FANCG: variants seen among roughly 807,000 people sequenced by gnomAD.
The protein encoded by FANCG is Fanconi anemia group G protein.
A neutral mutation model predicts 73.3 loss-of-function variants in FANCG; 67 were observed. That is an observed-to-expected ratio of 0.91 (90% CI 0.75 to 1.12). The LOEUF (loss-of-function observed/expected upper bound fraction) is 1.12. Among genes scored for constraint, FANCG ranks in the 50% most tolerant of loss-of-function variants. FANCG has a pLI of 0.00. For missense variants in FANCG, 643 were observed against 735.6 expected (o/e 0.87, Z 1.46); for synonymous variants, 297 against 311.6 (o/e 0.95, Z 0.49).
rs898364396 is a variant in FANCG, at chr9:35,074,283, G to T, written c.1761-67C>A. The T allele has an allele frequency of 6.8e-6, 11 of 1,611,924 alleles. No homozygotes were observed. The African/African-American group carries it at 9.3e-5, about 14-fold the overall frequency. ...CAGAAAGCTGGGCAGCCATACCCCC[G>T]CTTTCAGTGTTCACCACCCACAATA... On this transcript the variant is annotated intron_variant, in intron 13 of 13. Coordinates refer to ENST00000378643, the MANE Select transcript of FANCG (RefSeq NM_004629.2).
At chr9:35,078,074 G>T in intron 4 of FANCG, 67 bp downstream of exon 4, 2 of 1,468,244 alleles carry the variant, frequency 1.4e-6, no homozygotes, top group Non-Finnish European at 1.9e-6. Flanking sequence ...TGATGCTACT[G>T]CAGCTGGAGA....
At chr9:35,076,174 T>C (rs1451956875) in intron 8 of FANCG, 146 bp from the exon 9 acceptor site, 3 of 884,454 alleles carry the variant, frequency 3.4e-6, no homozygotes, top group Non-Finnish European at 5.6e-6. Flanking sequence ...GCTCCAATTT[T>C]GGCTCAGTAT....
In FANCG at chr9:35,074,581, AGAGG is replaced by A; in HGVS notation, c.1637-91_1637-88del. On this transcript the variant is annotated intron_variant, in intron 12 of 13. Coordinates refer to ENST00000378643, the MANE Select transcript of FANCG (RefSeq NM_004629.2). ...TAAAAAGGGAAACTGAGGCCTAGAG[AGAGG>A]AAGTATCTTGCCTACACTCACATAT... 1.9e-6 allele frequency: 3 copies of A among 1,561,696 alleles called. No individual in the cohort carries two copies. The South Asian group carries it at 3.4e-5, about 17-fold the overall frequency.
Position 35,079,541 on chromosome 9 carries a change from C to T in FANCG, c.-17G>A, listed in dbSNP as rs776942089. 8 of 1,613,592 alleles carry T rather than the reference C, an allele frequency of 5.0e-6. No homozygotes were observed. In the African/African-American group the frequency reaches 1.1e-4, roughly 22 times the overall value. ...GCGGGACATGGTGGCCGAGGCTGGG[C>T]CCGGAGACCAGAAGCGGACTTAGGA... On this transcript the variant is annotated 5_prime_UTR_variant, in exon 1 of 14. Coordinates refer to ENST00000378643, the MANE Select transcript of FANCG (RefSeq NM_004629.2).
At position 35,079,502 on chromosome 9, in the gene FANCG, A is replaced by C; in HGVS notation, c.23T>G (p.Val8Gly). Residue 8 changes from valine (V) to glycine (G), a missense_variant, in exon 1 of 14, where the codon GTG becomes GGG. Coordinates refer to ENST00000378643, the MANE Select transcript of FANCG (RefSeq NM_004629.2). MSRQTTSVGSSCLDLWRE... is the reference protein window; with the variant it reads MSRQTTSGGSSCLDLWRE... ...CCACAGGTCCAGGCAGCTGGAGCCC[A>C]CAGAGGTGGTCTGGCGGGACATGGT... 1.9e-6 allele frequency: 3 copies of C among 1,614,094 alleles called. No homozygotes were observed. Among genetic ancestry groups the C allele is most frequent in the South Asian group, 2.2e-5 (2 of 91,084 alleles).
chr9:35,076,977 A>T lies in FANCG; in HGVS notation c.771T>A (p.Arg257=). The T allele has an allele frequency of 6.2e-7, 1 of 1,614,174 alleles. No individual in the cohort carries two copies. The highest frequency in any genetic ancestry group is 1.1e-5 in the South Asian group (1 of 91,086). The part of the protein sequence containing the change: ...QVYTALGSCH[R]KMGNPQRALL... ...ACCCTAGGACTGTCTTTACCATCTT[A>T]CGGTGACAGGACCCCAGTGCTGTGT... The change falls in exon 6 of 14, where the codon CGT becomes CGA. Residue 257 remains arginine (R), a synonymous_variant. Coordinates refer to ENST00000378643, the MANE Select transcript of FANCG (RefSeq NM_004629.2).
chr9:35,078,887 C>A, intron 2 of FANCG, 151 bp from the exon 3 acceptor site: 1 of 1,201,042 alleles, frequency 8.3e-7, no homozygotes, highest in Non-Finnish European at 1.2e-6. Context: ...AAAAAAGAAC[C>A]CAACCTTTGG....
rs1213271836 is a variant in FANCG at position 35,078,306 on chromosome 9, T to A, written c.345A>T (p.Glu115Asp). 4 of 1,613,866 alleles carry A rather than the reference T, an allele frequency of 2.5e-6. No homozygotes were observed. In the South Asian group the frequency reaches 4.4e-5, roughly 18 times the overall value. ...ETQEQQGPRL[E>D]QGLRELWDSV... ...AGTCCCACAGCTCCCTGAGCCCCTG[T>A]TCCAACCTGGGCCCCTGCTGCTCCT... The change falls in exon 4 of 14, where the codon GAA (glutamate) becomes GAT (aspartate). Residue 115 changes from glutamate to aspartate, a missense_variant. Transcript: ENST00000378643.
rs747842715 is a variant in FANCG at position 35,074,340 on chromosome 9, T to G, written c.1760+31A>C. ...AGGACTCTAGGACACCAACTGCCCC[T>G]CAGCCCCAAGCCAGCAGGCCTGAGC... On this transcript the variant is annotated intron_variant, in intron 13 of 13. Transcript: ENST00000378643. 3.7e-6 allele frequency: 6 copies of G among 1,614,000 alleles called. No individual in the cohort carries two copies. The African/African-American group carries it at 8.0e-5, about 22-fold the overall frequency.
intron 13 of FANCG, 65 bp from the exon 14 acceptor site, chr9:35,074,281 C>A: frequency 6.2e-7 from 1 of 1,612,852 alleles, no homozygotes; most frequent in Non-Finnish European, 8.5e-7. Context: ...AGCCATACCC[C>A]CGCTTTCAGT....
At position 35,076,568 on chromosome 9, in the gene FANCG, A is replaced by C. The variant is rs1379634953; in HGVS notation, c.940T>G (p.Cys314Gly). The C allele has an allele frequency of 6.2e-7, 1 of 1,614,194 alleles. No individual in the cohort carries two copies. Among genetic ancestry groups the C allele is most frequent in the Admixed American group, 1.7e-5 (1 of 60,034 alleles). Residue 314 changes from cysteine (C) to glycine (G), a missense_variant, in exon 8 of 14, where the codon TGC becomes GGC. Coordinates refer to ENST00000378643, the MANE Select transcript of FANCG (RefSeq NM_004629.2). The part of the protein sequence containing the change: ...ELLVEALNVP[C>G]SSKAPQFLIE... ...AGAAACTGCGGGGCTTTGGAACTGCATGGGACATTCAAGGCCTAAAAGAGA... is the reference window on the plus strand; with the variant it reads ...AGAAACTGCGGGGCTTTGGAACTGCCTGGGACATTCAAGGCCTAAAAGAGA...
chr9:35,078,287 A>G lies in FANCG; in HGVS notation c.364T>C (p.Trp122Arg), dbSNP rs1829123165. 3 of 1,614,076 alleles carry G rather than the reference A, an allele frequency of 1.9e-6. No homozygotes were observed. The highest frequency in any genetic ancestry group is 2.2e-5 in the East Asian group (1 of 44,880). ...CAGGAAGCACGAAGGACAGAGTCCC[A>G]CAGCTCCCTGAGCCCCTGTTCCAAC... ...PRLEQGLREL[W>R]DSVLRASCLL... The change falls in exon 4 of 14, where the codon TGG becomes CGG. Residue 122 changes from tryptophan (W) to arginine (R), a missense_variant. Coordinates refer to ENST00000378643, the MANE Select transcript of FANCG (RefSeq NM_004629.2).
At chr9:35,077,936 C>T in intron 4 of FANCG, 1 of 609,974 alleles carries the variant, frequency 1.6e-6, no homozygotes, top group Non-Finnish European at 2.9e-6. Context: ...CCATGCCTGT[C>T]CAATTTTTAA....
chr9:35,077,202 A>G, intron 5 of FANCG, 62 bp downstream of exon 5: 1 of 1,613,882 alleles, frequency 6.2e-7, no homozygotes, highest in South Asian at 1.1e-5. Context: ...GGGACAAGAG[A>G]GAGGGCATGA....
Position 35,079,746 on chromosome 9 carries a change from C to T in FANCG, c.-222G>A. 2 of 598,746 alleles carry T rather than the reference C, an allele frequency of 3.3e-6. No homozygotes were observed. Among genetic ancestry groups the T allele is most frequent in the Non-Finnish European group, 6.0e-6 (2 of 333,976 alleles). 37.1% of individuals were successfully genotyped at this position (598,746 alleles called of 1,614,324 possible). A position where few individuals can be genotyped will look rare whatever the true frequency, so the allele number is the denominator to read the frequency against. ...GGCTCTCAACCTCGCCTCTGGTTGG[C>T]CGGGTCTGCGAAGCTCTGGGCTGCG... On this transcript the variant is annotated 5_prime_UTR_variant, in exon 1 of 14. Transcript: ENST00000378643.
In FANCG at chr9:35,074,432, C is replaced by A; in HGVS notation, c.1699G>T (p.Ala567Ser). The part of the protein sequence containing the change: ...TLKRLDRRDE[A>S]TALWWRLEAQ... ...TCCAGCCTCCACCAGAGTGCAGTGGCCTCATCCCTCCGATCTAGCCTCTTC... is the reference window on the plus strand; with the variant it reads ...TCCAGCCTCCACCAGAGTGCAGTGGACTCATCCCTCCGATCTAGCCTCTTC... The change falls in exon 13 of 14, where the codon GCC becomes TCC. Residue 567 changes from alanine (A) to serine (S), a missense_variant. Ala to Ser is a moderately conservative substitution (Grantham distance 99). Transcript: ENST00000378643. The A allele has an allele frequency of 6.2e-7, 1 of 1,614,188 alleles. No homozygotes were observed. Among genetic ancestry groups the A allele is most frequent in the Non-Finnish European group, 8.5e-7 (1 of 1,180,034 alleles).
chr9:35,075,402 C>T (rs1829063527), intron 10 of FANCG, 63 bp downstream of exon 10: 2 of 1,613,582 alleles, frequency 1.2e-6, no homozygotes, highest in Middle Eastern at 1.6e-4. Context: ...ACATGGAGCT[C>T]ACCAACTCAG....
intron 2 of FANCG, 114 bp downstream of exon 2, chr9:35,079,037 C>T: frequency 2.2e-6 from 2 of 913,982 alleles, no homozygotes; most frequent in Non-Finnish European, 3.5e-6. Context: ...CTCCTCTGTG[C>T]CTTAAACAGG....
Position 35,075,332 on chromosome 9 carries a change from T to C in FANCG, c.1434-7A>G. On this transcript the variant is annotated splice_polypyrimidine_tract_variant and splice_region_variant and intron_variant, in intron 10 of 13. Transcript: ENST00000378643. Reference sequence around the variant, plus strand: ...GAAGAGCAGCTCGAGGCACCTGAAGTAGGACACAGAACAGGGGTGAAGAGG... The same window carrying C: ...GAAGAGCAGCTCGAGGCACCTGAAGCAGGACACAGAACAGGGGTGAAGAGG... The C allele has an allele frequency of 6.2e-7, 1 of 1,614,020 alleles. No individual in the cohort carries two copies. Among genetic ancestry groups the C allele is most frequent in the South Asian group, 1.1e-5 (1 of 91,064 alleles).
Sources: gnomAD v4.1 joint callset for allele counts on GRCh38, gnomAD v4.1.1 for gene constraint, MANE v1.5 for transcripts, NCBI Gene and HGNC (gene_info 2026-07-23, HGNC 2026-07-21) for gene names.